ITPR1: variants seen among roughly 807,000 people sequenced by gnomAD.
ITPR1 encodes inositol 1,4,5-trisphosphate receptor type 1.
In ITPR1, 96 loss-of-function variants were observed where a neutral mutation model predicts 318.4. The observed-to-expected ratio is 0.30, with a 90% confidence interval of 0.26 to 0.36. The LOEUF is 0.36. Ranked by LOEUF, ITPR1 falls within the 10% of genes least tolerant of loss-of-function variation. ITPR1 has a pLI of 1.00. For synonymous variants in ITPR1, 1,312 were observed against 1,289.9 expected (o/e 1.02, Z -0.37); for missense variants, 2,440 against 3,460.2 (o/e 0.71, Z 7.40).
At chr3:4,731,130 C>G (rs1435236840) in intron 42 of ITPR1, among the ~76,000 whole-genome samples, 1 of 152,192 alleles carries the variant, frequency 6.6e-6, no homozygotes, top group East Asian at 1.9e-4. Context: ...TTTTCTTTCT[C>G]TCAATTCTTT....
At chr3:4,698,527 G>A (rs904194456) in intron 34 of ITPR1, among the ~76,000 whole-genome samples, 1 of 152,060 alleles carries the variant, frequency 6.6e-6, no homozygotes, top group Non-Finnish European at 1.5e-5. Flanking sequence ...GTTCAGCTTT[G>A]TGGGCTGTTC....
intron 4 of ITPR1, among the ~76,000 whole-genome samples, chr3:4,540,394 A>C (rs1363774969): frequency 6.6e-6 from 1 of 152,234 alleles, no homozygotes; most frequent in Non-Finnish European, 1.5e-5. Flanking sequence ...GCTGTCTCTC[A>C]TAAACTGTAC....
chr3:4,558,391 ACAAT>A lies in ITPR1; in HGVS notation c.163+37302_163+37305del, dbSNP rs541073735. ...ATATTTACATGGTTATAATATAAAC[ACAAT>A]CAATTTATAGACAAATTACAAAGCT... is the stretch of plus-strand genomic sequence containing the variant. On this transcript the variant is annotated intron_variant, in intron 4 of 61. Transcript: ENST00000649015. Among the ~76,000 whole-genome samples, 249 of 152,354 alleles carry A rather than the reference ACAAT, an allele frequency of 1.6e-3. 1 individual carries two copies. The highest frequency in any genetic ancestry group is 2.6e-3 in the Non-Finnish European group (178 of 68,040).
At chr3:4,660,787 T>C (rs1294601401) in intron 13 of ITPR1, among the ~76,000 whole-genome samples, 2 of 152,062 alleles carry the variant, frequency 1.3e-5, no homozygotes, top group Admixed American at 1.3e-4. Context: ...AACTGTAGAG[T>C]CGTTATGAAT....
At position 4,680,664 on chromosome 3, in the gene ITPR1, A is replaced by G. The variant is rs1235735557; in HGVS notation, c.3079A>G (p.Ser1027Gly). Residue 1027 changes from serine (S) to glycine (G), a missense_variant, in exon 25 of 62, where the codon AGC (serine) becomes GGC (glycine). Coordinates refer to ENST00000649015, the MANE Select transcript of ITPR1 (RefSeq NM_001378452.1). ...QTSETSSGNS[S>G]QEGPSNVPGA... ...TTCAGAAACATCCTCCGGAAACAGCAGCCAAGAAGGGCCAAGTAATGTACC... is the reference window on the plus strand; with the variant it reads ...TTCAGAAACATCCTCCGGAAACAGCGGCCAAGAAGGGCCAAGTAATGTACC... 6.2e-7 allele frequency: 1 copy of G among 1,613,446 alleles called. No homozygotes were observed. Among genetic ancestry groups the G allele is most frequent in the Admixed American group, 1.7e-5 (1 of 59,974 alleles).
intron 35 of ITPR1, among the ~76,000 whole-genome samples, 170 bp downstream of exon 35, chr3:4,700,111 G>C (rs1205926680): frequency 6.6e-6 from 1 of 152,214 alleles, no homozygotes; most frequent in East Asian, 1.9e-4. Context: ...GGGTAAAGAA[G>C]TACCTGGGGA....
At chr3:4,681,454 G>A (rs959446570) in intron 26 of ITPR1, 36 bp downstream of exon 26, 7 of 1,450,812 alleles carry the variant, frequency 4.8e-6, no homozygotes, top group East Asian at 2.3e-5. Flanking sequence ...TGTAGGGAAG[G>A]CTGCTCTTCC....
chr3:4,735,223 T>A lies in ITPR1; in HGVS notation c.5413T>A (p.Cys1805Ser), dbSNP rs1377176027. Residue 1805 changes from cysteine (C) to serine (S), a missense_variant, in exon 44 of 62, where the codon TGT (cysteine) becomes AGT (serine). Transcript: ENST00000649015. ...TGAGATGAGTCTGGCCGAGGTTCAG[T>A]GTCACCTTGACAAGGAGGGGGCTTC... Reference protein sequence around the residue: ...RGEMSLAEVQCHLDKEGASNL... With the variant: ...RGEMSLAEVQSHLDKEGASNL... 1 of 1,613,864 alleles carries A rather than the reference T, an allele frequency of 6.2e-7. No individual in the cohort carries two copies. The highest frequency in any genetic ancestry group is 1.3e-5 in the African/African-American group (1 of 74,926).
chr3:4,705,940 T>C (rs940998355), intron 36 of ITPR1, among the ~76,000 whole-genome samples: 4 of 152,236 alleles, frequency 2.6e-5, no homozygotes, highest in Admixed American at 1.3e-4. Context: ...CCTGAGAGCA[T>C]TTTAACATTC....
intron 5 of ITPR1, among the ~76,000 whole-genome samples, chr3:4,632,474 C>G (rs529279840): frequency 1.3e-5 from 2 of 152,268 alleles, no homozygotes; most frequent in Non-Finnish European, 2.9e-5. Flanking sequence ...AGGGGCAGCT[C>G]TACTTCCCTA....
At chr3:4,557,367 C>T (rs2086231813) in intron 4 of ITPR1, among the ~76,000 whole-genome samples, 1 of 152,132 alleles carries the variant, frequency 6.6e-6, no homozygotes, top group Non-Finnish European at 1.5e-5. Context: ...AGACCCGCCT[C>T]CATGAATCAA....
At chr3:4,535,389 A>G (rs1327512782) in intron 4 of ITPR1, among the ~76,000 whole-genome samples, 1 of 144,812 alleles carries the variant, frequency 6.9e-6, no homozygotes, top group African/African-American at 2.6e-5. Flanking sequence ...CTTGTTGGTG[A>G]TCTGCTAGAT....
At chr3:4,747,430 C>G (rs1030733657) in intron 44 of ITPR1, among the ~76,000 whole-genome samples, 1 of 152,230 alleles carries the variant, frequency 6.6e-6, no homozygotes, top group Non-Finnish European at 1.5e-5. Flanking sequence ...CCTCCTTACT[C>G]CACCAATTTT....
chr3:4,648,705 G>C (rs1648852830), intron 10 of ITPR1, among the ~76,000 whole-genome samples: 1 of 152,156 alleles, frequency 6.6e-6, no homozygotes, highest in South Asian at 2.1e-4. Context: ...AGCTACTCGG[G>C]AGGCTGAGGC....
chr3:4,512,513 G>C lies in ITPR1; in HGVS notation c.-16-3963G>C, dbSNP rs1046089298. On this transcript the variant is annotated intron_variant, in intron 2 of 61. Transcript: ENST00000649015. ...TTTTTTCATCAGGGGAATTAGGAAG[G>C]ATAAATTATCTTCCCTGAAGTAAAA... Among the ~76,000 whole-genome samples, 43 of 152,126 alleles carry C rather than the reference G, an allele frequency of 2.8e-4. 1 individual carries two copies. The highest frequency in any genetic ancestry group is 4.4e-5 in the Non-Finnish European group (3 of 68,020).
At chr3:4,579,228 T>C (rs1447304949) in intron 4 of ITPR1, among the ~76,000 whole-genome samples, 2 of 152,230 alleles carry the variant, frequency 1.3e-5, no homozygotes, top group Non-Finnish European at 2.9e-5. Flanking sequence ...TGAAACGATA[T>C]TGTCCAGTAC....
chr3:4,703,481 C>G (rs971836615), intron 36 of ITPR1, among the ~76,000 whole-genome samples: 1 of 152,138 alleles, frequency 6.6e-6, no homozygotes, highest in Non-Finnish European at 1.5e-5. Flanking sequence ...AGGAAAATTT[C>G]TTTTTCCTTC....
At chr3:4,665,342 G>A (rs779179561) in intron 17 of ITPR1, 46 bp downstream of exon 17, 5 of 1,556,106 alleles carry the variant, frequency 3.2e-6, no homozygotes, top group Non-Finnish European at 3.5e-6. Flanking sequence ...TTTCCTCCCT[G>A]AAGTTTGTGA....
chr3:4,843,128 A>G (rs2051486786), intron 61 of ITPR1, among the ~76,000 whole-genome samples: 1 of 129,890 alleles, frequency 7.7e-6, no homozygotes, highest in Non-Finnish European at 1.5e-5. Flanking sequence ...GACTGCTACT[A>G]AAAGGCCAAA....
Sources: allele counts gnomAD v4.1 joint callset (sites outside exome capture counted in the v4.1 genomes callset), GRCh38; gene constraint gnomAD v4.1.1; transcripts MANE v1.5; gene names NCBI Gene and HGNC (gene_info 2026-07-23, HGNC 2026-07-21).